Variants in SETBP1 observed in about 807,000 individuals in gnomAD.
SETBP1 encodes the protein SET-binding protein.
SETBP1 carries 9 observed loss-of-function variants against 101.0 expected under a neutral mutation model. The ratio of observed to expected loss-of-function variants is 0.09; its 90% CI spans 0.05 to 0.16. The LOEUF is 0.16. Ranked by LOEUF, SETBP1 falls within the 10% of genes least tolerant of loss-of-function variation. SETBP1 has a pLI of 1.00. For missense variants in SETBP1, 1,858 were observed against 2,033.8 expected, an observed-to-expected ratio of 0.91 and a Z score of 1.66; for synonymous variants, 818 against 788.5, an observed-to-expected ratio of 1.04 and a Z score of -0.63.
At chr18:44,766,991 T>G (rs9807656) in intron 2 of SETBP1, among the ~76,000 whole-genome samples, 1 of 152,132 alleles carries the variant, frequency 6.6e-6, no homozygotes. Flanking sequence ...TAAGACCCCA[T>G]GAAGGTCTGT....
intron 5 of SETBP1, among the ~76,000 whole-genome samples, chr18:45,046,362 C>G (rs1327490462): frequency 6.6e-6 from 1 of 152,168 alleles, no homozygotes; most frequent in Non-Finnish European, 1.5e-5. Context: ...GATCCAGAAG[C>G]AGCAAACCAT....
In SETBP1 at chr18:44,773,836, T is replaced by TTGTGTGTGTGTGTG. The variant is rs1280926160; in HGVS notation, c.486+72005_486+72006insGTGTGTGTGTGTGT. Among the ~76,000 whole-genome samples the TTGTGTGTGTGTGTG allele has an allele frequency of 6.3e-4, 23 of 36,356 alleles. No individual in the cohort carries two copies. The South Asian group carries it at 0.013, about 20-fold the overall frequency. 23.9% of individuals were successfully genotyped at this position (36,356 alleles called of 152,430 possible). A position where few individuals can be genotyped will look rare whatever the true frequency, so the allele number is the denominator to read the frequency against. Reference sequence around the variant, plus strand: ...TCTCTCTCTCTCTGTCTCTCTCTGTTTATGTGTGTGTGTGTGTGTGTGTGT... The same window carrying TTGTGTGTGTGTGTG: ...TCTCTCTCTCTCTGTCTCTCTCTGTTTGTGTGTGTGTGTGTATGTGTGTGTGTGTGTGTGTGTGT... On this transcript the variant is annotated intron_variant, in intron 2 of 5. Coordinates refer to ENST00000649279, the MANE Select transcript of SETBP1 (RefSeq NM_015559.3).
intron 2 of SETBP1, among the ~76,000 whole-genome samples, chr18:44,857,330 A>G (rs1262235940): frequency 1.3e-5 from 2 of 152,140 alleles, no homozygotes; most frequent in Non-Finnish European, 2.9e-5. Flanking sequence ...GTAATAGACA[A>G]GGTGTATGAA....
chr18:44,876,024 G>T (rs2069395108), intron 3 of SETBP1, among the ~76,000 whole-genome samples: 1 of 152,210 alleles, frequency 6.6e-6, no homozygotes, highest in Non-Finnish European at 1.5e-5. Context: ...CAAGGGCCAT[G>T]AAAAAGCAAT....
At position 44,951,231 on chromosome 18, in the gene SETBP1, A is replaced by G. The variant is rs1368485780; in HGVS notation, c.1891A>G (p.Lys631Glu). The G allele has an allele frequency of 3.1e-6, 5 of 1,613,984 alleles. No individual in the cohort carries two copies. In the African/African-American group the frequency reaches 6.7e-5, roughly 22 times the overall value. Residue 631 changes from lysine (K) to glutamate (E), a missense_variant, in exon 4 of 6, where the codon AAG becomes GAG. By Grantham distance (56) the Lys-to-Glu change is moderately conservative. Around this residue, in one of 12 missense-constraint regions of SETBP1, gnomAD observed 111 missense variants for 119.3 expected, o/e 0.93. Transcript: ENST00000649279. The surrounding 1 kb of genome is among the most constrained non-coding windows in gnomAD (Gnocchi z 7.8). ...AAGAAAGCGACGACGCAATTTAGCG[A>G]AGTTGGCCCAGCTAGTGCCGGGAGA... ...KKRKRRRNLA[K>E]LAQLVPGEDK...
chr18:44,812,578 T>C (rs1334188776), intron 2 of SETBP1, among the ~76,000 whole-genome samples: 1 of 152,158 alleles, frequency 6.6e-6, no homozygotes, highest in Non-Finnish European at 1.5e-5. Flanking sequence ...GCACTGTCCA[T>C]GTGGACAGTG....
chr18:44,823,613 C>T (rs1232708123), intron 2 of SETBP1, among the ~76,000 whole-genome samples: 3 of 152,272 alleles, frequency 2.0e-5, no homozygotes, highest in East Asian at 3.9e-4. Context: ...GACTTATGCT[C>T]AGGTCAAGGA....
chr18:44,692,715 A>G (rs1598995699), intron 1 of SETBP1, among the ~76,000 whole-genome samples: 1 of 152,194 alleles, frequency 6.6e-6, no homozygotes, highest in Non-Finnish European at 1.5e-5. Context: ...GTAGAAAAGG[A>G]GGGTCCAGCC....
At chr18:44,884,724 G>C (rs1196192261) in intron 3 of SETBP1, among the ~76,000 whole-genome samples, 1 of 152,140 alleles carries the variant, frequency 6.6e-6, no homozygotes, top group African/African-American at 2.4e-5. Flanking sequence ...ACTCTTGTTT[G>C]AATAAAACTT....
intron 3 of SETBP1, among the ~76,000 whole-genome samples, chr18:44,897,952 T>G (rs2069946750): frequency 6.6e-6 from 1 of 152,162 alleles, no homozygotes; most frequent in Non-Finnish European, 1.5e-5. Context: ...ATGAGAGTGT[T>G]CAGTAGAGAC....
intron 2 of SETBP1, among the ~76,000 whole-genome samples, chr18:44,756,543 CG>C (rs1555677232): frequency 6.6e-6 from 1 of 152,164 alleles, no homozygotes; most frequent in Non-Finnish European, 1.5e-5. Context: ...CCAGGGCACA[CG>C]GGGAGTGCTT....
intron 3 of SETBP1, chr18:44,869,958 G>C (rs1300464095): frequency 6.1e-6 from 1 of 164,274 alleles, no homozygotes; most frequent in East Asian, 1.6e-4. Context: ...GCCCTTGTGT[G>C]CTCACATAGA....
At chr18:44,734,687 C>G (rs1443112466) in intron 2 of SETBP1, among the ~76,000 whole-genome samples, 1 of 152,164 alleles carries the variant, frequency 6.6e-6, no homozygotes, top group African/African-American at 2.4e-5. Flanking sequence ...GTGTCCTCAG[C>G]TCATGCCTTC....
At position 44,855,149 on chromosome 18, in the gene SETBP1, T is replaced by C. The variant is rs973001970; in HGVS notation, c.487-14081T>C. Among the ~76,000 whole-genome samples, 55 of 152,202 alleles carry C rather than the reference T, an allele frequency of 3.6e-4. 2 individuals carry two copies. Among genetic ancestry groups the C allele is most frequent in the Admixed American group, 1.3e-4 (2 of 15,280 alleles). Reference sequence around the variant, plus strand: ...CCCCCACTCTGCTTTTTCTTTCTGCTTTATTTCTCTCTTCTTTTATTATAA... The same window carrying C: ...CCCCCACTCTGCTTTTTCTTTCTGCCTTATTTCTCTCTTCTTTTATTATAA... On this transcript the variant is annotated intron_variant, in intron 2 of 5. Coordinates refer to ENST00000649279, the MANE Select transcript of SETBP1 (RefSeq NM_015559.3).
rs192013221 is a variant in SETBP1 at position 44,787,946 on chromosome 18, A to G, written c.487-81284A>G. 1.8e-4 allele frequency among the ~76,000 whole-genome samples: 26 copies of G among 148,200 alleles called. No homozygotes were observed. The East Asian group carries it at 4.9e-3, about 28-fold the overall frequency. ...AAGACTTCATGAAACATAAATAAAG[A>G]CCTTCTGATTTGTTTAGTTTTACTT... On this transcript the variant is annotated intron_variant, in intron 2 of 5. Transcript: ENST00000649279.
chr18:45,037,410 A>G (rs1006985338), intron 4 of SETBP1, among the ~76,000 whole-genome samples: 1 of 152,136 alleles, frequency 6.6e-6, no homozygotes, highest in Non-Finnish European at 1.5e-5. Flanking sequence ...GATAGTCGCA[A>G]TAATAGGGAT....
At chr18:44,919,641 C>T (rs1568216803) in intron 3 of SETBP1, among the ~76,000 whole-genome samples, 1 of 151,988 alleles carries the variant, frequency 6.6e-6, no homozygotes, top group African/African-American at 2.4e-5. Flanking sequence ...AGCCACCATG[C>T]CCGGCTAGAT....
Position 44,858,570 on chromosome 18 carries a change from A to G in SETBP1, c.487-10660A>G, listed in dbSNP as rs573920006. Among the ~76,000 whole-genome samples, 10 of 152,338 alleles carry G rather than the reference A, an allele frequency of 6.6e-5. No individual in the cohort carries two copies. The South Asian group carries it at 2.1e-3, about 32-fold the overall frequency. ...GAAGTATTTGATAGACAAAGACTAT[A>G]TTTTAAAATATTTATTTTGTGAAGG... On this transcript the variant is annotated intron_variant, in intron 2 of 5. Coordinates refer to ENST00000649279, the MANE Select transcript of SETBP1 (RefSeq NM_015559.3).
intron 4 of SETBP1, among the ~76,000 whole-genome samples, chr18:45,006,002 G>A (rs1338849872): frequency 1.5e-5 from 2 of 135,260 alleles, no homozygotes; most frequent in African/African-American, 5.7e-5. Flanking sequence ...TGCCCAGGCT[G>A]GAGTGCAATG....
Sources: gnomAD v4.1 joint callset for allele counts (sites outside exome capture counted in the v4.1 genomes callset) on GRCh38, gnomAD v4.1.1 for gene constraint, gnomAD v4.1.1 regional missense constraint, Gnocchi (gnomAD v3.1) non-coding constraint, MANE v1.5 for transcripts, NCBI Gene and HGNC (gene_info 2026-07-23, HGNC 2026-07-21) for gene names.